SLIT2: variants seen among roughly 807,000 people sequenced by gnomAD.
The protein encoded by SLIT2 is slit guidance ligand 2, also known as slit homolog 2 protein.
In SLIT2, 41 loss-of-function variants were observed where a neutral mutation model predicts 185.7. The ratio of observed to expected loss-of-function variants is 0.22; its 90% CI spans 0.17 to 0.29. The LOEUF (loss-of-function observed/expected upper bound fraction) is 0.29. Among genes scored for constraint, SLIT2 ranks in the 10% least tolerant of loss-of-function variants. The pLI, the probability that SLIT2 is intolerant of heterozygous loss-of-function variation, is 1.00. For missense variants in SLIT2, 1,571 were observed against 1,909.0 expected, an observed-to-expected ratio of 0.82 and a Z score of 3.30; for synonymous variants, 693 against 680.2, an observed-to-expected ratio of 1.02 and a Z score of -0.29.
At chr4:20,325,049 T>C (rs1034577868) in intron 4 of SLIT2, among the ~76,000 whole-genome samples, 1 of 151,990 alleles carries the variant, frequency 6.6e-6, no homozygotes, top group Non-Finnish European at 1.5e-5. Context: ...TTCCTCCTTC[T>C]CTCCCTTTCC....
At chr4:20,492,196 T>C (rs1245699257) in intron 9 of SLIT2, among the ~76,000 whole-genome samples, 1 of 152,166 alleles carries the variant, frequency 6.6e-6, no homozygotes, top group Non-Finnish European at 1.5e-5. Flanking sequence ...TCTGTGGTTG[T>C]CCATTTCTCA....
chr4:20,441,991 A>G (rs565491480), intron 4 of SLIT2, among the ~76,000 whole-genome samples: 7 of 152,334 alleles, frequency 4.6e-5, no homozygotes, highest in Non-Finnish European at 1.0e-4. Context: ...ACAATAAAAA[A>G]CATTTAATCA....
Position 20,424,525 on chromosome 4 carries a change from AACAT to A in SLIT2, c.396-43222_396-43219del, listed in dbSNP as rs370826512. On this transcript the variant is annotated intron_variant, in intron 4 of 36. Coordinates refer to ENST00000504154, the MANE Select transcript of SLIT2 (RefSeq NM_004787.4). ...TACTGTAGTAACCATTTATTCACAG[AACAT>A]ACATGTCATTTTCTATTTGTCGTCT... Among the ~76,000 whole-genome samples, 43 of 152,234 alleles carry A rather than the reference AACAT, an allele frequency of 2.8e-4. No individual in the cohort carries two copies. The East Asian group carries it at 7.3e-3, about 26-fold the overall frequency.
intron 4 of SLIT2, among the ~76,000 whole-genome samples, chr4:20,425,078 G>T (rs1027748199): frequency 2.4e-4 from 37 of 152,080 alleles, no homozygotes; most frequent in African/African-American, 8.2e-4. Flanking sequence ...TTTAAACAGT[G>T]TTTGAAGTTT....
rs1276917606 is a variant in SLIT2, at chr4:20,472,554, A to ATAGATATATCTAGATATATC, written c.467+4731_467+4732insTAGATATATCTAGATATATC. Among the ~76,000 whole-genome samples, 2 of 13,176 alleles carry ATAGATATATCTAGATATATC rather than the reference A, an allele frequency of 1.5e-4. 1 individual carries two copies. The highest frequency in any genetic ancestry group is 1.1e-3 in the African/African-American group (2 of 1,846). 8.6% of individuals were successfully genotyped at this position (13,176 alleles called of 152,430 possible). ...TATAGATATATCTATATCTATATAT[A>ATAGATATATCTAGATATATC]GATATATATCTATATATAGATATAT... On this transcript the variant is annotated intron_variant, in intron 5 of 36. Transcript: ENST00000504154.
rs576907731 is a variant in SLIT2 at position 20,437,807 on chromosome 4, T to G, written c.396-29945T>G. On this transcript the variant is annotated intron_variant, in intron 4 of 36. Transcript: ENST00000504154. ...GCGGGCACCTGTAGTCCCAGCTACT[T>G]GGGAGGTTGAGGCAGGAGAATGGCG... is the stretch of plus-strand genomic sequence containing the variant. Among the ~76,000 whole-genome samples, 7 of 143,050 alleles carry G rather than the reference T, an allele frequency of 4.9e-5. No individual in the cohort carries two copies. In the South Asian group the frequency reaches 1.5e-3, roughly 32 times the overall value. The allele number at this position is 143,050 out of a possible 152,430, so 93.8% of individuals were successfully genotyped here.
chr4:20,444,904 T>TA (rs923326437), intron 4 of SLIT2, among the ~76,000 whole-genome samples: 4 of 152,220 alleles, frequency 2.6e-5, no homozygotes, highest in Admixed American at 6.5e-5. Context: ...TTTTCTCTGT[T>TA]ACATACTTTG....
At chr4:20,366,477 C>G (rs888496378) in intron 4 of SLIT2, among the ~76,000 whole-genome samples, 5 of 152,096 alleles carry the variant, frequency 3.3e-5, no homozygotes, top group Non-Finnish European at 7.4e-5. Context: ...ATGAATAGGT[C>G]CATTCTAGTT....
chr4:20,260,143 A>C (rs1259391718), intron 3 of SLIT2, among the ~76,000 whole-genome samples: 2 of 151,846 alleles, frequency 1.3e-5, no homozygotes, highest in East Asian at 3.8e-4. Context: ...AACTACAAAA[A>C]CCCCAAAACT....
chr4:20,486,216 A>G lies in SLIT2; in HGVS notation c.556A>G (p.Asn186Asp), dbSNP rs1560466896. The change falls in exon 7 of 37, where the codon AAC (asparagine) becomes GAC (aspartate). Residue 186 changes from asparagine (N) to aspartate (D), a missense_variant. Physicochemically the swap from Asn to Asp is conservative, Grantham distance 23. This residue lies in a region of SLIT2 where 1,202 missense variants were observed against 1,416.4 expected (regional missense o/e 0.85). Coordinates refer to ENST00000504154, the MANE Select transcript of SLIT2 (RefSeq NM_004787.4). ...DLEVLTLNNN[N>D]ITRLSVASFN... is the part of the protein sequence containing the mutation. Reference sequence around the variant, plus strand: ...ATTCTACAGCACTCTCAACAATAACAACATTACTAGACTTTCTGTGGCAAG... The same window carrying G: ...ATTCTACAGCACTCTCAACAATAACGACATTACTAGACTTTCTGTGGCAAG... The G allele has an allele frequency of 4.4e-6, 7 of 1,603,544 alleles. No individual in the cohort carries two copies. The South Asian group carries it at 7.7e-5, about 18-fold the overall frequency.
At chr4:20,486,852 T>C (rs1320566042) in intron 7 of SLIT2, among the ~76,000 whole-genome samples, 2 of 152,112 alleles carry the variant, frequency 1.3e-5, no homozygotes, top group Admixed American at 6.5e-5. Flanking sequence ...TTTAAAATCT[T>C]TAAAGCCCAG....
intron 22 of SLIT2, among the ~76,000 whole-genome samples, chr4:20,547,300 C>T (rs1304041513): frequency 6.6e-6 from 1 of 152,108 alleles, no homozygotes; most frequent in African/African-American, 2.4e-5. Flanking sequence ...CAAAGGGTCA[C>T]TTTAGCAGAA....
chr4:20,474,044 A>G (rs1715844266), intron 5 of SLIT2, among the ~76,000 whole-genome samples: 1 of 151,948 alleles, frequency 6.6e-6, no homozygotes, highest in Non-Finnish European at 1.5e-5. Flanking sequence ...GAGACTGCAA[A>G]TGGTAGGTTG....
At chr4:20,313,818 C>T (rs527681494) in intron 4 of SLIT2, among the ~76,000 whole-genome samples, 19 of 152,210 alleles carry the variant, frequency 1.2e-4, no homozygotes, top group African/African-American at 3.4e-4. Context: ...GATCTGAACA[C>T]GAGGTGGCGC....
intron 25 of SLIT2, 50 bp from the exon 26 acceptor site, chr4:20,553,755 G>T: frequency 1.5e-6 from 2 of 1,370,530 alleles, no homozygotes; most frequent in Non-Finnish European, 9.7e-7. Context: ...GTGTGTGTGT[G>T]TATGTGTGTG....
At position 20,577,797 on chromosome 4, in the gene SLIT2, A is replaced by G. The variant is rs939847353; in HGVS notation, c.3088+8793A>G. 3.3e-5 allele frequency among the ~76,000 whole-genome samples: 5 copies of G among 152,228 alleles called. No homozygotes were observed. The East Asian group carries it at 9.6e-4, about 29-fold the overall frequency. On this transcript the variant is annotated intron_variant, in intron 29 of 36. Coordinates refer to ENST00000504154, the MANE Select transcript of SLIT2 (RefSeq NM_004787.4). Reference sequence around the variant, plus strand: ...TAAATAAAGAACAAATGGGAAATGTATACTTTTTAAAATCAGAATTGGATC... The same window carrying G: ...TAAATAAAGAACAAATGGGAAATGTGTACTTTTTAAAATCAGAATTGGATC...
intron 9 of SLIT2, among the ~76,000 whole-genome samples, chr4:20,495,158 TATTG>T (rs1024348246): frequency 4.1e-4 from 63 of 152,254 alleles, no homozygotes; most frequent in African/African-American, 1.5e-3. Flanking sequence ...AGAAAAGAAG[TATTG>T]ATTAATATTC....
intron 4 of SLIT2, among the ~76,000 whole-genome samples, chr4:20,392,920 A>G (rs758585212): frequency 4.6e-5 from 7 of 152,052 alleles, no homozygotes; most frequent in African/African-American, 1.4e-4. Flanking sequence ...AACTTTTTTT[A>G]TTAGTAGGAG....
At position 20,472,385 on chromosome 4, in the gene SLIT2, T is replaced by TATCTA. The variant is rs1560453709; in HGVS notation, c.467+4562_467+4563insATCTA. 1.0e-4 allele frequency among the ~76,000 whole-genome samples: 4 copies of TATCTA among 39,258 alleles called. 1 individual carries two copies. The highest frequency in any genetic ancestry group is 5.7e-4 in the African/African-American group (4 of 7,040). The allele number at this position is 39,258 out of a possible 152,430, so 25.8% of individuals were successfully genotyped here. A position where few individuals can be genotyped will look rare whatever the true frequency, so the allele number is the denominator to read the frequency against. On this transcript the variant is annotated intron_variant, in intron 5 of 36. Transcript: ENST00000504154. ...ATATAGATATCTATATCTATATATA[T>TATCTA]GTAGATATATAGATATAGATATCTA...
Sources: allele counts gnomAD v4.1 joint callset (sites outside exome capture counted in the v4.1 genomes callset), GRCh38; gene constraint gnomAD v4.1.1; regional missense constraint gnomAD v4.1.1; transcripts MANE v1.5; gene names NCBI Gene and HGNC (gene_info 2026-07-23, HGNC 2026-07-21).